FOXN3: variants seen among roughly 807,000 people sequenced by gnomAD.
The protein encoded by FOXN3 is forkhead box protein N3.
Under a neutral mutation model 38.4 loss-of-function variants are expected in FOXN3, and 7 were observed. The ratio of observed to expected loss-of-function variants is 0.18; its 90% CI spans 0.10 to 0.34. FOXN3 has a LOEUF of 0.34. Ranked by LOEUF, FOXN3 falls within the 10% of genes least tolerant of loss-of-function variation. The probability of loss-of-function intolerance (pLI) is 1.00; values close to 1 mark genes in which losing one functional copy is unlikely to be tolerated. For synonymous variants in FOXN3, 230 were observed against 242.2 expected (o/e 0.95, Z 0.47); for missense variants, 456 against 613.4 (o/e 0.74, Z 2.71).
chr14:89,571,346 T>C (rs1244922786), intron 1 of FOXN3, among the ~76,000 whole-genome samples: 2 of 151,900 alleles, frequency 1.3e-5, no homozygotes. Context: ...CCACCTCTAC[T>C]AAAAATACAA....
chr14:89,325,292 C>G (rs1394040180), intron 3 of FOXN3, among the ~76,000 whole-genome samples: 2 of 139,010 alleles, frequency 1.4e-5, no homozygotes, highest in East Asian at 4.4e-4. Context: ...ACCAACACCA[C>G]CAACACCAAC....
At chr14:89,540,600 G>A (rs1027342496) in intron 1 of FOXN3, among the ~76,000 whole-genome samples, 21 of 152,206 alleles carry the variant, frequency 1.4e-4, no homozygotes, top group African/African-American at 3.1e-4. Context: ...TTAGCCGAGC[G>A]TGGTCGCACG....
intron 4 of FOXN3, among the ~76,000 whole-genome samples, chr14:89,237,048 A>G (rs1885002805): frequency 6.6e-6 from 1 of 152,210 alleles, no homozygotes. Context: ...CCTCTGACAC[A>G]TGATCATTTG....
chr14:89,447,841 C>T (rs1447986721), intron 1 of FOXN3, among the ~76,000 whole-genome samples: 2 of 60,950 alleles, frequency 3.3e-5, no homozygotes, highest in African/African-American at 6.9e-5. Context: ...TTTTTTGAGA[C>T]GGAGCTCACA....
At chr14:89,219,166 G>T (rs1884375492) in intron 4 of FOXN3, among the ~76,000 whole-genome samples, 1 of 152,074 alleles carries the variant, frequency 6.6e-6, no homozygotes, top group Admixed American at 6.5e-5. Flanking sequence ...GGGAGGTGGT[G>T]GGAGGTGACT....
At chr14:89,400,001 CTAAG>C (rs753952736) in intron 2 of FOXN3, 3 of 152,182 alleles carry the variant, frequency 2.0e-5, no homozygotes, top group Non-Finnish European at 4.4e-5. Flanking sequence ...GGGGGCTTTG[CTAAG>C]TAAGATGTTT....
At position 89,161,540 on chromosome 14, in the gene FOXN3, TTCTC is replaced by T. The variant is rs1308821123; in HGVS notation, c.*870_*873del. On this transcript the variant is annotated 3_prime_UTR_variant, in exon 6 of 6. Transcript: ENST00000557258. ...ACACAGCTTGTTTTCCCCATCAGTT[TTCTC>T]TCTCTCTCCTTCGTGTGTGTGTGTG... is the stretch of plus-strand genomic sequence containing the variant. 6.7e-6 allele frequency: 1 copy of T among 148,448 alleles called. No homozygotes were observed. The highest frequency in any genetic ancestry group is 1.5e-5 in the Non-Finnish European group (1 of 67,484). The allele number at this position is 148,448 out of a possible 1,614,324, so 9.2% of individuals were successfully genotyped here. A position where few individuals can be genotyped will look rare whatever the true frequency, so the allele number is the denominator to read the frequency against.
intron 1 of FOXN3, 63 bp downstream of exon 1, chr14:89,416,808 C>A (rs1891745928): frequency 6.6e-6 from 1 of 151,938 alleles, no homozygotes; most frequent in South Asian, 2.1e-4. Context: ...CTCGGACGCG[C>A]CTCCCGCCCC....
At chr14:89,544,501 C>T (rs910718445) in intron 1 of FOXN3, among the ~76,000 whole-genome samples, 1 of 152,170 alleles carries the variant, frequency 6.6e-6, no homozygotes, top group Non-Finnish European at 1.5e-5. Flanking sequence ...CAATAATCAA[C>T]AAACCCTTAC....
chr14:89,300,943 C>T (rs1224899567), intron 3 of FOXN3, among the ~76,000 whole-genome samples: 1 of 151,984 alleles, frequency 6.6e-6, no homozygotes, highest in Non-Finnish European at 1.5e-5. Flanking sequence ...ATTATAGGTG[C>T]CTGTCCCCAT....
chr14:89,191,995 T>C (rs1192705814), intron 4 of FOXN3, among the ~76,000 whole-genome samples: 2 of 143,674 alleles, frequency 1.4e-5, no homozygotes, highest in Admixed American at 6.9e-5. Flanking sequence ...ATAATATATA[T>C]TAGCTAATAT....
chr14:89,557,340 T>C (rs1895147874), intron 1 of FOXN3, among the ~76,000 whole-genome samples: 1 of 152,192 alleles, frequency 6.6e-6, no homozygotes, highest in Non-Finnish European at 1.5e-5. Context: ...CTAGGTTTCA[T>C]GAACATGTCA....
At position 89,162,276 on chromosome 14, in the gene FOXN3, GGAAAA is replaced by G. The variant is rs1427533670; in HGVS notation, c.*133_*137del. The G allele has an allele frequency of 2.0e-5, 14 of 706,356 alleles. No individual in the cohort carries two copies. The highest frequency in any genetic ancestry group is 2.5e-5 in the South Asian group (1 of 40,648). The allele number at this position is 706,356 out of a possible 1,614,324, so 43.8% of individuals were successfully genotyped here. ...GGGGGCAAATTAAAACAAAATAAAA[GGAAAA>G]GAAAAGAAAGAAAACCAAACCAAAA... On this transcript the variant is annotated 3_prime_UTR_variant, in exon 6 of 6. Transcript: ENST00000557258. This position sits in a 1 kb window ranked among gnomAD's most constrained non-coding sequence, Gnocchi z 7.2.
At chr14:89,586,732 T>A (rs1467618837) in intron 1 of FOXN3, among the ~76,000 whole-genome samples, 1 of 152,186 alleles carries the variant, frequency 6.6e-6, no homozygotes, top group Non-Finnish European at 1.5e-5. Context: ...AAACCTCAGA[T>A]TCTGGTATTC....
intron 4 of FOXN3, among the ~76,000 whole-genome samples, chr14:89,192,601 A>G (rs1239031949): frequency 1.4e-5 from 2 of 141,832 alleles, no homozygotes; most frequent in African/African-American, 2.5e-5. Context: ...TAAACTATAT[A>G]ATATAAGCTA....
At chr14:89,211,222 G>C (rs1204150931) in intron 4 of FOXN3, among the ~76,000 whole-genome samples, 2 of 152,220 alleles carry the variant, frequency 1.3e-5, no homozygotes, top group Non-Finnish European at 2.9e-5. Flanking sequence ...CAATTTTGGA[G>C]ATTAAGCTTT....
chr14:89,585,232 C>T (rs929630587), intron 1 of FOXN3, among the ~76,000 whole-genome samples: 2 of 152,116 alleles, frequency 1.3e-5, no homozygotes, highest in Non-Finnish European at 2.9e-5. Flanking sequence ...TTTGCCAATT[C>T]GAATTCTATT....
At chr14:89,311,105 T>TAAA (rs10646875) in intron 3 of FOXN3, among the ~76,000 whole-genome samples, 3,077 of 110,280 alleles carry the variant, frequency 0.028, 148 homozygotes, top group African/African-American at 0.099. Context: ...AAACTCCGTC[T>TAAA]AAAAAAAAAA....
intron 1 of FOXN3, among the ~76,000 whole-genome samples, chr14:89,508,718 G>T (rs954031693): frequency 6.6e-5 from 10 of 152,162 alleles, no homozygotes; most frequent in African/African-American, 2.4e-4. Context: ...GTGGGCCATG[G>T]ATCACCTGCA....
Sources: allele counts gnomAD v4.1 joint callset (sites outside exome capture counted in the v4.1 genomes callset), GRCh38; gene constraint gnomAD v4.1.1; non-coding constraint Gnocchi (gnomAD v3.1); transcripts MANE v1.5; gene names NCBI Gene and HGNC (gene_info 2026-07-23, HGNC 2026-07-21).